The following HS3ST2 variants were observed in gnomAD, a reference collection of about 807,000 sequenced individuals.
HS3ST2 encodes heparan sulfate glucosamine 3-O-sulfotransferase 2.
Under a neutral mutation model 26.3 loss-of-function variants are expected in HS3ST2, and 17 were observed. That is an observed-to-expected ratio of 0.65 (90% confidence interval 0.44 to 0.97). The LOEUF is 0.97. Among genes scored for constraint, HS3ST2 ranks in the 50% least tolerant of loss-of-function variants. The pLI, the probability that HS3ST2 is intolerant of heterozygous loss-of-function variation, is 0.00. For missense variants in HS3ST2, 402 were observed against 501.2 expected, an observed-to-expected ratio of 0.80 and a Z score of 1.89; for synonymous variants, 237 against 219.2, an observed-to-expected ratio of 1.08 and a Z score of -0.72.
chr16:22,843,374 C>T (rs1473680219), intron 1 of HS3ST2, among the ~76,000 whole-genome samples: 1 of 152,192 alleles, frequency 6.6e-6, no homozygotes, highest in East Asian at 1.9e-4. Context: ...GTTGAGGACT[C>T]AGTTCCCAAG....
rs1329578843 is a variant in HS3ST2 at position 22,915,400 on chromosome 16, G to GA, written c.949dup (p.Thr317AsnfsTer22). On this transcript the variant is annotated frameshift_variant, in exon 2 of 2. Transcript: ENST00000261374. LOFTEE classifies it high-confidence loss of function. Reference sequence around the variant, plus strand: ...ACAAGACCAAAGGATTCCCTTGCTTGAAAAAAACAGAATCGAGCCTCCTGC... The same window carrying GA: ...ACAAGACCAAAGGATTCCCTTGCTTGAAAAAAAACAGAATCGAGCCTCCTGC... The GA allele has an allele frequency of 2.5e-6, 4 of 1,613,904 alleles. No individual in the cohort carries two copies. The African/African-American group carries it at 4.0e-5, about 16-fold the overall frequency.
chr16:22,851,090 C>T lies in HS3ST2; in HGVS notation c.485+35995C>T, dbSNP rs550511071. On this transcript the variant is annotated intron_variant, in intron 1 of 1. Coordinates refer to ENST00000261374, the MANE Select transcript of HS3ST2 (RefSeq NM_006043.2). Reference sequence around the variant, plus strand: ...GGAGCATCTCAAGGGCAAGCGTTTCCAGAGGTCCAGGCAGAAGCTGCAGGA... The same window carrying T: ...GGAGCATCTCAAGGGCAAGCGTTTCTAGAGGTCCAGGCAGAAGCTGCAGGA... 4.6e-5 allele frequency among the ~76,000 whole-genome samples: 7 copies of T among 152,252 alleles called. No individual in the cohort carries two copies. In the South Asian group the frequency reaches 1.5e-3, roughly 32 times the overall value.
Position 22,915,707 on chromosome 16 carries a change from C to T in HS3ST2, c.*145C>T, listed in dbSNP as rs1902486844. ...GTTGCATCATCTTGGAACCAGGAAG[C>T]CCAGCTAAAGCCAAGAGACCAGAGA... is the stretch of plus-strand genomic sequence containing the variant. On this transcript the variant is annotated 3_prime_UTR_variant, in exon 2 of 2. Coordinates refer to ENST00000261374, the MANE Select transcript of HS3ST2 (RefSeq NM_006043.2). 9 of 887,522 alleles carry T rather than the reference C, an allele frequency of 1.0e-5. No homozygotes were observed. Among genetic ancestry groups the T allele is most frequent in the Non-Finnish European group, 1.5e-5 (9 of 581,166 alleles). 55.0% of individuals were successfully genotyped at this position (887,522 alleles called of 1,614,324 possible).
At chr16:22,862,142 T>A (rs2141189658) in intron 1 of HS3ST2, among the ~76,000 whole-genome samples, 1 of 152,272 alleles carries the variant, frequency 6.6e-6, no homozygotes, top group South Asian at 2.1e-4. Flanking sequence ...TAACAGGTGC[T>A]CTGTAAGCAT....
chr16:22,869,433 T>C (rs1426455358), intron 1 of HS3ST2, among the ~76,000 whole-genome samples: 1 of 152,196 alleles, frequency 6.6e-6, no homozygotes, highest in East Asian at 1.9e-4. Flanking sequence ...TGTTAAAAAC[T>C]GTGTTAGTCT....
Position 22,913,177 on chromosome 16 carries a change from AGGGAGGGC to A in HS3ST2, c.486-1764_486-1757del, listed in dbSNP as rs1192795954. ...GAGGGAGGGAGGGAGGGAGGGAGGG[AGGGAGGGC>A]GGAAGGAAGGAAGGGACTTCTCGGG... On this transcript the variant is annotated intron_variant, in intron 1 of 1. Transcript: ENST00000261374. Among the ~76,000 whole-genome samples, 122 of 73,290 alleles carry A rather than the reference AGGGAGGGC, an allele frequency of 1.7e-3. 4 individuals carry two copies. The highest frequency in any genetic ancestry group is 5.2e-3 in the African/African-American group (115 of 22,036). The allele number at this position is 73,290 out of a possible 152,430, so 48.1% of individuals were successfully genotyped here. A position where few individuals can be genotyped will look rare whatever the true frequency, so the allele number is the denominator to read the frequency against.
At chr16:22,834,934 T>G (rs1326700354) in intron 1 of HS3ST2, among the ~76,000 whole-genome samples, 1 of 148,406 alleles carries the variant, frequency 6.7e-6, no homozygotes, top group Non-Finnish European at 1.5e-5. Flanking sequence ...TTTTGGTTAA[T>G]TTTTTCCCTG....
chr16:22,901,728 A>G (rs1320211323), intron 1 of HS3ST2, among the ~76,000 whole-genome samples: 1 of 152,138 alleles, frequency 6.6e-6, no homozygotes, highest in East Asian at 1.9e-4. Context: ...CTCCTTTCCA[A>G]GAGAGCTTCT....
chr16:22,857,445 G>A (rs918955271), intron 1 of HS3ST2, among the ~76,000 whole-genome samples: 11 of 152,172 alleles, frequency 7.2e-5, no homozygotes, highest in African/African-American at 9.7e-5. Context: ...AGTGGAAAAC[G>A]CGTTAATATC....
chr16:22,907,637 A>T (rs1902372973), intron 1 of HS3ST2, among the ~76,000 whole-genome samples: 3 of 152,256 alleles, frequency 2.0e-5, no homozygotes, highest in Non-Finnish European at 4.4e-5. Context: ...AAAAGCAGGC[A>T]AAAGAGAGAA....
chr16:22,905,050 A>G (rs1262200904), intron 1 of HS3ST2, among the ~76,000 whole-genome samples: 2 of 152,204 alleles, frequency 1.3e-5, no homozygotes, highest in East Asian at 3.8e-4. Flanking sequence ...GCTCTTAATT[A>G]TCTCTCCGGA....
chr16:22,895,369 C>T (rs1297386926), intron 1 of HS3ST2, among the ~76,000 whole-genome samples: 1 of 152,162 alleles, frequency 6.6e-6, no homozygotes, highest in Non-Finnish European at 1.5e-5. Context: ...AGATTACAGG[C>T]ACCTTTTTCA....
intron 1 of HS3ST2, among the ~76,000 whole-genome samples, chr16:22,831,200 T>A (rs547387353): frequency 1.3e-5 from 2 of 152,354 alleles, no homozygotes; most frequent in East Asian, 3.9e-4. Flanking sequence ...TAGATGACAT[T>A]TAAAGCCATA....
intron 1 of HS3ST2, among the ~76,000 whole-genome samples, chr16:22,889,732 G>A (rs1424855749): frequency 1.3e-5 from 2 of 152,034 alleles, no homozygotes. Context: ...CAATTTTTAG[G>A]TGATGGAAAC....
Position 22,845,831 on chromosome 16 carries a change from T to C in HS3ST2, c.485+30736T>C, listed in dbSNP as rs529767342. ...GTGTTAAAGCAAATGCAACTTCTGG[T>C]AAAGTTCCAGTCTTTTCAGATTGAG... On this transcript the variant is annotated intron_variant, in intron 1 of 1. Transcript: ENST00000261374. Among the ~76,000 whole-genome samples the C allele has an allele frequency of 5.6e-4, 85 of 152,304 alleles. No individual in the cohort carries two copies. In the Middle Eastern group the frequency reaches 0.014, roughly 24 times the overall value.
At chr16:22,847,906 G>A (rs1412442018) in intron 1 of HS3ST2, among the ~76,000 whole-genome samples, 2 of 150,550 alleles carry the variant, frequency 1.3e-5, no homozygotes, top group Non-Finnish European at 1.5e-5. Context: ...GAAAGACAAA[G>A]CAAGAAGGAA....
intron 1 of HS3ST2, among the ~76,000 whole-genome samples, chr16:22,858,390 C>T (rs1343188367): frequency 6.6e-6 from 1 of 151,144 alleles, no homozygotes; most frequent in African/African-American, 2.4e-5. Context: ...AAAAGATGTA[C>T]AAGCATGCAT....
At chr16:22,866,191 A>G (rs1224212122) in intron 1 of HS3ST2, among the ~76,000 whole-genome samples, 2 of 148,184 alleles carry the variant, frequency 1.3e-5, no homozygotes, top group African/African-American at 5.0e-5. Context: ...AATCTTGAAG[A>G]GAAGTCATTG....
chr16:22,837,938 A>G (rs1010281756), intron 1 of HS3ST2, among the ~76,000 whole-genome samples: 1 of 152,100 alleles, frequency 6.6e-6, no homozygotes, highest in Non-Finnish European at 1.5e-5. Flanking sequence ...ATGCTTTTAC[A>G]TTCATCTACT....
Sources: allele counts gnomAD v4.1 joint callset (sites outside exome capture counted in the v4.1 genomes callset), GRCh38; gene constraint gnomAD v4.1.1; transcripts MANE v1.5; gene names NCBI Gene and HGNC (gene_info 2026-07-23, HGNC 2026-07-21).